GTF2IRD1: variants seen among roughly 807,000 people sequenced by gnomAD.
GTF2IRD1 encodes general transcription factor II-I repeat domain-containing protein 1.
In GTF2IRD1, 26 loss-of-function variants were observed where a neutral mutation model predicts 113.2. The ratio of observed to expected loss-of-function variants is 0.23; its 90% CI spans 0.17 to 0.32. GTF2IRD1 has a LOEUF of 0.32. GTF2IRD1 is among the 10% of genes least tolerant of loss of function. GTF2IRD1 has a pLI of 1.00. For missense variants in GTF2IRD1, 864 were observed against 1,280.8 expected (o/e 0.67, Z 4.97); for synonymous variants, 484 against 529.1 (o/e 0.91, Z 1.17).
chr7:74,494,734 A>AT (rs1795559155), intron 1 of GTF2IRD1, among the ~76,000 whole-genome samples: 1 of 152,098 alleles, frequency 6.6e-6, no homozygotes, highest in Admixed American at 6.6e-5. Flanking sequence ...TTTAAAAAAA[A>AT]CAAAAAACCA....
Position 74,508,109 on chromosome 7 carries a change from T to A in GTF2IRD1, c.29T>A (p.Val10Asp). The A allele has an allele frequency of 6.2e-7, 1 of 1,609,976 alleles. No individual in the cohort carries two copies. Among genetic ancestry groups the A allele is most frequent in the Non-Finnish European group, 8.5e-7 (1 of 1,179,918 alleles). Residue 10 changes from valine to aspartate, a missense_variant, in exon 2 of 27, where the codon GTC (valine) becomes GAC (aspartate). By Grantham distance (152) the Val-to-Asp change is radical. This residue lies in a region of GTF2IRD1 where 182 missense variants were observed against 266.6 expected (regional missense o/e 0.68). Coordinates refer to ENST00000424337, the MANE Select transcript of GTF2IRD1 (RefSeq NM_005685.4). MALLGKRCDVPTNGCGPDRW... is the reference protein window; with the variant it reads MALLGKRCDDPTNGCGPDRW... Reference sequence around the variant, plus strand: ...GCCTTGCTGGGTAAGCGCTGTGACGTCCCCACCAACGGCTGCGGACCCGAC... The same window carrying A: ...GCCTTGCTGGGTAAGCGCTGTGACGACCCCACCAACGGCTGCGGACCCGAC...
rs1797138781 is a variant in GTF2IRD1 at position 74,519,501 on chromosome 7, A to G, written c.698A>G (p.His233Arg). The G allele has an allele frequency of 6.2e-7, 1 of 1,609,374 alleles. No homozygotes were observed. Among genetic ancestry groups the G allele is most frequent in the Non-Finnish European group, 8.5e-7 (1 of 1,177,384 alleles). The change falls in exon 6 of 27, where the codon CAT (histidine) becomes CGT (arginine). Residue 233 changes from histidine to arginine, a missense_variant. His to Arg is a conservative substitution (Grantham distance 29, BLOSUM62 0). Coordinates refer to ENST00000424337, the MANE Select transcript of GTF2IRD1 (RefSeq NM_005685.4). The stretch of plus-strand genomic sequence containing the variant: ...AAGGGGTCACGGGACTGTGGCCTGC[A>G]TGGCCAGGCCCCCAAGGTGCCACCC... ...IPKGSRDCGL[H>R]GQAPKVPPQD... is the part of the protein sequence containing the mutation.
Position 74,521,300 on chromosome 7 carries a change from A to G in GTF2IRD1, c.1006+3A>G, listed in dbSNP as rs1554345930. 6.3e-7 allele frequency: 1 copy of G among 1,595,166 alleles called. No individual in the cohort carries two copies. Among genetic ancestry groups the G allele is most frequent in the Non-Finnish European group, 8.6e-7 (1 of 1,163,212 alleles). ...CTCCATCGTCCATGACAAGTCAGGT[A>G]GGACAGCGCCCACGAAGCACCCCGG... On this transcript the variant is annotated splice_donor_region_variant and intron_variant, in intron 7 of 26. Coordinates refer to ENST00000424337, the MANE Select transcript of GTF2IRD1 (RefSeq NM_005685.4).
intron 8 of GTF2IRD1, 34 bp from the exon 9 acceptor site, chr7:74,529,700 A>G (rs1554348206): frequency 1.2e-6 from 2 of 1,606,106 alleles, no homozygotes; most frequent in African/African-American, 2.7e-5. Flanking sequence ...CAGCCTGTCT[A>G]ACACTCAGCC....
At chr7:74,491,668 T>C (rs1241847483) in intron 1 of GTF2IRD1, among the ~76,000 whole-genome samples, 1 of 152,200 alleles carries the variant, frequency 6.6e-6, no homozygotes, top group Non-Finnish European at 1.5e-5. Flanking sequence ...TTGTTCTTTT[T>C]TGTGGCTGCA....
intron 2 of GTF2IRD1, among the ~76,000 whole-genome samples, chr7:74,509,451 T>C (rs533126227): frequency 6.6e-6 from 1 of 151,664 alleles, no homozygotes; most frequent in South Asian, 2.1e-4. Context: ...GAGAATTGCT[T>C]GAACCTGGGA....
rs1554356323 is a variant in GTF2IRD1 at position 74,555,192 on chromosome 7, G to A, written c.1935G>A (p.Glu645=). Residue 645 remains glutamate, a synonymous_variant, in exon 18 of 27, where the codon GAG becomes GAA. Transcript: ENST00000424337. The surrounding 1 kb of genome is among the most constrained non-coding windows in gnomAD (Gnocchi z 5.3). ...TTTCCAGGCCCGAGCTGCTCACTGA[G>A]GGAGTCAAAGAGCCCATCATGGATA... is the stretch of plus-strand genomic sequence containing the variant. ...FVIKRPELLT[E]GVKEPIMDSQ... 2.1e-5 allele frequency: 34 copies of A among 1,613,708 alleles called. No individual in the cohort carries two copies. The highest frequency in any genetic ancestry group is 1.7e-4 in the Middle Eastern group (1 of 5,996).
intron 22 of GTF2IRD1, among the ~76,000 whole-genome samples, chr7:74,577,478 A>G (rs1251142814): frequency 1.1e-4 from 16 of 152,170 alleles, no homozygotes; most frequent in African/African-American, 4.8e-5. Flanking sequence ...AAATGTTTCA[A>G]TGCACATCTC....
At chr7:74,502,387 C>A (rs1207347746) in intron 1 of GTF2IRD1, among the ~76,000 whole-genome samples, 3 of 152,258 alleles carry the variant, frequency 2.0e-5, no homozygotes, top group Non-Finnish European at 4.4e-5. Flanking sequence ...ACCTGTAACA[C>A]CTGTTTCCAG....
At chr7:74,563,514 T>C (rs1583897339) in intron 22 of GTF2IRD1, among the ~76,000 whole-genome samples, 1 of 149,832 alleles carries the variant, frequency 6.7e-6, no homozygotes, top group African/African-American at 2.5e-5. Context: ...AAGGCGGAGG[T>C]TGCAGTCAGC....
At chr7:74,571,729 C>T (rs587597894) in intron 22 of GTF2IRD1, among the ~76,000 whole-genome samples, 90 of 152,178 alleles carry the variant, frequency 5.9e-4, no homozygotes, top group Admixed American at 1.4e-3. Context: ...GGCATGGTGG[C>T]GTGTGCCTAT....
At chr7:74,563,265 C>T (rs1554359655) in intron 22 of GTF2IRD1, among the ~76,000 whole-genome samples, 1 of 152,048 alleles carries the variant, frequency 6.6e-6, no homozygotes. Context: ...GGGAACTTTC[C>T]AGGGGGACAA....
At chr7:74,513,783 G>C (rs1796768669) in intron 3 of GTF2IRD1, among the ~76,000 whole-genome samples, 1 of 152,154 alleles carries the variant, frequency 6.6e-6, no homozygotes, top group Non-Finnish European at 1.5e-5. Context: ...AGGCTGAAAT[G>C]GGAGGATCAC....
At chr7:74,498,253 T>C (rs1795840107) in intron 1 of GTF2IRD1, among the ~76,000 whole-genome samples, 1 of 152,130 alleles carries the variant, frequency 6.6e-6, no homozygotes, top group Admixed American at 6.5e-5. Context: ...TCCTCTCACC[T>C]TGGCCTCCCA....
At chr7:74,588,305 G>T (rs1414514426) in intron 22 of GTF2IRD1, among the ~76,000 whole-genome samples, 1 of 150,794 alleles carries the variant, frequency 6.6e-6, no homozygotes, top group Non-Finnish European at 1.5e-5. Context: ...ACGGGGTTTC[G>T]CTATGTTGGC....
intron 1 of GTF2IRD1, among the ~76,000 whole-genome samples, chr7:74,498,742 T>TTA (rs1795864087): frequency 6.6e-6 from 1 of 151,478 alleles, no homozygotes; most frequent in East Asian, 1.9e-4. Flanking sequence ...TTTTTTTTTT[T>TTA]AAATAAGATG....
chr7:74,509,910 C>T (rs1375985428), intron 2 of GTF2IRD1, among the ~76,000 whole-genome samples: 2 of 152,208 alleles, frequency 1.3e-5, no homozygotes, highest in East Asian at 1.9e-4. Flanking sequence ...CTCTTGACCT[C>T]GTGATCCGCC....
intron 25 of GTF2IRD1, among the ~76,000 whole-genome samples, chr7:74,598,540 C>T (rs1370508494): frequency 1.4e-4 from 22 of 152,000 alleles, no homozygotes; most frequent in African/African-American, 5.1e-4. Context: ...TGCTTGAACC[C>T]AGGAAGCGGC....
At chr7:74,455,684 C>T (rs782172469) in intron 1 of GTF2IRD1, among the ~76,000 whole-genome samples, 4 of 152,166 alleles carry the variant, frequency 2.6e-5, no homozygotes, top group South Asian at 4.1e-4. Flanking sequence ...CAGGCATCTG[C>T]GGACCAAGGG....
Sources: allele counts gnomAD v4.1 joint callset (sites outside exome capture counted in the v4.1 genomes callset), GRCh38; gene constraint gnomAD v4.1.1; regional missense constraint gnomAD v4.1.1; non-coding constraint Gnocchi (gnomAD v3.1); transcripts MANE v1.5; gene names NCBI Gene and HGNC (gene_info 2026-07-23, HGNC 2026-07-21).